Variants in FOXN3 observed in about 807,000 individuals in gnomAD.
FOXN3 encodes the protein forkhead box protein N3.
Under a neutral mutation model 38.4 loss-of-function variants are expected in FOXN3, and 7 were observed. That is an observed-to-expected ratio of 0.18 (90% confidence interval 0.10 to 0.34). FOXN3 has a LOEUF of 0.34. FOXN3 is among the 10% of genes least tolerant of loss of function. The probability of loss-of-function intolerance (pLI) is 1.00; values close to 1 mark genes in which losing one functional copy is unlikely to be tolerated. For synonymous variants in FOXN3, 230 were observed against 242.2 expected (o/e 0.95, Z 0.47); for missense variants, 456 against 613.4 (o/e 0.74, Z 2.71).
intron 1 of FOXN3, among the ~76,000 whole-genome samples, chr14:89,616,701 G>C (rs1376029005): frequency 6.6e-6 from 1 of 152,144 alleles, no homozygotes; most frequent in Non-Finnish European, 1.5e-5. Context: ...AAAGAGTTTT[G>C]TTCTAACTGT....
intron 2 of FOXN3, among the ~76,000 whole-genome samples, chr14:89,357,098 C>A (rs1216960216): frequency 6.6e-6 from 1 of 152,172 alleles, no homozygotes; most frequent in Non-Finnish European, 1.5e-5. Context: ...CACCTGTAAT[C>A]CCAGCACTTT....
intron 1 of FOXN3, among the ~76,000 whole-genome samples, chr14:89,452,177 G>A (rs1006550229): frequency 9.2e-5 from 14 of 152,264 alleles, no homozygotes; most frequent in African/African-American, 3.4e-4. Context: ...GGATGTAAAG[G>A]TGTGTAGTCA....
rs1209213547 is a variant in FOXN3, at chr14:89,577,120, C to T, written c.-15+41908G>A. On this transcript the variant is annotated intron_variant, in intron 1 of 6. Transcript: ENST00000345097. Reference sequence around the variant, plus strand: ...ATGCCAAGGAAAATGGCACGGAAGACCCACGTGTAGCCACAGCAGAGTCTA... The same window carrying T: ...ATGCCAAGGAAAATGGCACGGAAGATCCACGTGTAGCCACAGCAGAGTCTA... 5.9e-5 allele frequency: 9 copies of T among 152,328 alleles called. No individual in the cohort carries two copies. In the South Asian group the frequency reaches 6.2e-4, roughly 11 times the overall value. The allele number at this position is 152,328 out of a possible 1,614,324, so 9.4% of individuals were successfully genotyped here.
At chr14:89,276,700 G>T (rs951440873) in intron 4 of FOXN3, among the ~76,000 whole-genome samples, 1 of 152,238 alleles carries the variant, frequency 6.6e-6, no homozygotes, top group Admixed American at 6.5e-5. Flanking sequence ...GTACCATCAA[G>T]AAATGCTTGC....
chr14:89,363,955 T>TATATAA lies in FOXN3; in HGVS notation c.544-13148_544-13147insTTATAT, dbSNP rs1555421688. ...CAAGACCCTGTCTGTAAAATATATA[T>TATATAA]ATATATATATATATATATATATATA... On this transcript the variant is annotated intron_variant, in intron 2 of 5. Coordinates refer to ENST00000557258, the MANE Select transcript of FOXN3 (RefSeq NM_005197.4). 2.8e-3 allele frequency among the ~76,000 whole-genome samples: 15 copies of TATATAA among 5,432 alleles called. 1 individual carries two copies. The highest frequency in any genetic ancestry group is 0.25 in the Middle Eastern group (1 of 4). 3.6% of individuals were successfully genotyped at this position (5,432 alleles called of 152,430 possible). A position where few individuals can be genotyped will look rare whatever the true frequency, so the allele number is the denominator to read the frequency against.
intron 1 of FOXN3, among the ~76,000 whole-genome samples, chr14:89,447,957 G>A (rs1441708539): frequency 6.6e-6 from 1 of 151,040 alleles, no homozygotes; most frequent in East Asian, 1.9e-4. Context: ...AGCATTAGAG[G>A]CACCTGCCAA....
At chr14:89,251,887 T>C (rs139599013) in intron 4 of FOXN3, among the ~76,000 whole-genome samples, 48 of 152,306 alleles carry the variant, frequency 3.2e-4, no homozygotes, top group African/African-American at 1.2e-3. Flanking sequence ...ATAAGACAAA[T>C]GACACAAACA....
At chr14:89,221,924 G>A (rs1884478287) in intron 4 of FOXN3, among the ~76,000 whole-genome samples, 1 of 151,636 alleles carries the variant, frequency 6.6e-6, no homozygotes, top group Non-Finnish European at 1.5e-5. Flanking sequence ...CCGGGTTCAC[G>A]CCATTCTCCC....
At chr14:89,601,505 A>C (rs1596329651) in intron 1 of FOXN3, among the ~76,000 whole-genome samples, 1 of 152,234 alleles carries the variant, frequency 6.6e-6, no homozygotes, top group African/African-American at 2.4e-5. Context: ...GACCAAAAAC[A>C]ACAGAAAATA....
At chr14:89,190,879 T>A (rs1045109977) in intron 4 of FOXN3, among the ~76,000 whole-genome samples, 3 of 152,084 alleles carry the variant, frequency 2.0e-5, no homozygotes, top group Non-Finnish European at 4.4e-5. Context: ...CTGCATCTAG[T>A]GAGATACAAA....
chr14:89,345,260 C>A (rs983827608), intron 3 of FOXN3, among the ~76,000 whole-genome samples: 2 of 151,804 alleles, frequency 1.3e-5, no homozygotes, highest in African/African-American at 4.8e-5. Flanking sequence ...GTAGGTCAGG[C>A]AACTCTCAGT....
At chr14:89,291,653 A>G (rs1398185573) in intron 3 of FOXN3, 5 of 462,688 alleles carry the variant, frequency 1.1e-5, no homozygotes, top group Non-Finnish European at 1.7e-5. Context: ...CCGGCCACTC[A>G]TGCTCTCTTC....
At chr14:89,453,181 A>G (rs1273595532) in intron 1 of FOXN3, among the ~76,000 whole-genome samples, 3 of 151,692 alleles carry the variant, frequency 2.0e-5, no homozygotes, top group Admixed American at 2.0e-4. Context: ...CTTGGGAGAC[A>G]AGAGGAAAAC....
chr14:89,393,461 G>A (rs1244717210), intron 2 of FOXN3, among the ~76,000 whole-genome samples: 1 of 152,192 alleles, frequency 6.6e-6, no homozygotes, highest in Non-Finnish European at 1.5e-5. Flanking sequence ...CCAGCCACAG[G>A]ACTGTGGGAA....
chr14:89,278,066 C>T (rs1022171156), intron 4 of FOXN3, among the ~76,000 whole-genome samples: 1 of 152,152 alleles, frequency 6.6e-6, no homozygotes, highest in African/African-American at 2.4e-5. Context: ...ACAGGGCACC[C>T]CCACTGTATT....
At chr14:89,513,370 G>A (rs1894135637) in intron 1 of FOXN3, among the ~76,000 whole-genome samples, 2 of 151,058 alleles carry the variant, frequency 1.3e-5, no homozygotes, top group East Asian at 2.0e-4. Flanking sequence ...GACTACAGGT[G>A]TACACTACCA....
intron 4 of FOXN3, among the ~76,000 whole-genome samples, chr14:89,257,647 G>A (rs1566940609): frequency 6.6e-6 from 1 of 152,158 alleles, no homozygotes; most frequent in Non-Finnish European, 1.5e-5. Flanking sequence ...CTTCTTGGGA[G>A]GCTGAGGCAG....
chr14:89,173,880 A>G (rs867166324), intron 5 of FOXN3, among the ~76,000 whole-genome samples: 12 of 152,032 alleles, frequency 7.9e-5, no homozygotes, highest in Middle Eastern at 3.2e-3. Flanking sequence ...AGTCCCAAAC[A>G]CTTGAGAGGC....
At chr14:89,522,799 A>G (rs570648751) in intron 1 of FOXN3, among the ~76,000 whole-genome samples, 5 of 151,218 alleles carry the variant, frequency 3.3e-5, no homozygotes, top group South Asian at 2.1e-4. Context: ...AAGGAGGCAG[A>G]AAAAAAAAGC....
Sources: gnomAD v4.1 joint callset for allele counts (sites outside exome capture counted in the v4.1 genomes callset) on GRCh38, gnomAD v4.1.1 for gene constraint, MANE v1.5 for transcripts, NCBI Gene and HGNC (gene_info 2026-07-23, HGNC 2026-07-21) for gene names.